AGBL1: variants seen among roughly 807,000 people sequenced by gnomAD.
AGBL1 encodes cytosolic carboxypeptidase 4.
Under a neutral mutation model 118.9 loss-of-function variants are expected in AGBL1, and 130 were observed. That is an observed-to-expected ratio of 1.09 (90% CI 0.95 to 1.26). The LOEUF (loss-of-function observed/expected upper bound fraction) is 1.26, where lower values mean the gene tolerates loss of function less well. AGBL1 is among the 50% of genes most tolerant of loss of function. AGBL1 has a pLI of 0.00. For missense variants in AGBL1, 1,584 were observed against 1,298.1 expected (o/e 1.22, Z -3.38); for synonymous variants, 555 against 478.9 (o/e 1.16, Z -2.08).
intron 22 of AGBL1, among the ~76,000 whole-genome samples, chr15:86,678,001 T>C (rs2085879910): frequency 1.3e-5 from 2 of 152,186 alleles, no homozygotes; most frequent in African/African-American, 4.8e-5. Flanking sequence ...ATTTATTGTT[T>C]TAAATTGACA....
intron 15 of AGBL1, among the ~76,000 whole-genome samples, chr15:86,272,437 G>C (rs920862738): frequency 1.3e-5 from 2 of 152,142 alleles, no homozygotes; most frequent in African/African-American, 4.8e-5. Context: ...TTAGTTCAGT[G>C]CTAGTTTCTT....
downstream of AGBL1, among the ~76,000 whole-genome samples, chr15:87,029,349 A>G (rs569381170): frequency 1.8e-3 from 267 of 152,054 alleles, 1 homozygote; most frequent in African/African-American, 6.3e-3. Context: ...CAATTTAAAC[A>G]TAGACCAAAA....
intron 22 of AGBL1, among the ~76,000 whole-genome samples, chr15:86,895,465 T>G (rs2080112190): frequency 6.6e-6 from 1 of 151,884 alleles, no homozygotes. Context: ...CTTACTAAGC[T>G]ATATACTATA....
chr15:86,116,229 C>G (rs764033471), intron 1 of AGBL1, among the ~76,000 whole-genome samples: 4 of 152,098 alleles, frequency 2.6e-5, no homozygotes, highest in Non-Finnish European at 4.4e-5. Flanking sequence ...CAATCGAGAA[C>G]AAAAATGTAA....
At chr15:86,673,517 A>C (rs1163304856) in intron 21 of AGBL1, among the ~76,000 whole-genome samples, 1 of 152,190 alleles carries the variant, frequency 6.6e-6, no homozygotes, top group Non-Finnish European at 1.5e-5. Context: ...GCCTTGGATA[A>C]GTTACTTGTA....
chr15:86,218,990 G>C (rs1179359413), intron 5 of AGBL1, among the ~76,000 whole-genome samples: 1 of 152,198 alleles, frequency 6.6e-6, no homozygotes, highest in Non-Finnish European at 1.5e-5. Context: ...ATTGCTTCAA[G>C]CTGCTACAAT....
chr15:86,649,365 G>A (rs2085333523), intron 21 of AGBL1, among the ~76,000 whole-genome samples: 7 of 152,130 alleles, frequency 4.6e-5, no homozygotes, highest in Admixed American at 4.6e-4. Flanking sequence ...GTTTTAGGGG[G>A]AAGAAAGAGG....
intron 21 of AGBL1, among the ~76,000 whole-genome samples, chr15:86,651,837 G>T (rs1017876977): frequency 6.6e-6 from 1 of 152,076 alleles, no homozygotes; most frequent in Non-Finnish European, 1.5e-5. Flanking sequence ...GTCTTCCTTG[G>T]TCCACTGCTT....
At position 86,264,634 on chromosome 15, in the gene AGBL1, C is replaced by T; in HGVS notation, c.1463C>T (p.Thr488Ile). 1 of 1,613,906 alleles carries T rather than the reference C, an allele frequency of 6.2e-7. No individual in the cohort carries two copies. Among genetic ancestry groups the T allele is most frequent in the Admixed American group, 1.7e-5 (1 of 60,012 alleles). The change falls in exon 11 of 23, where the codon ACT (threonine) becomes ATT (isoleucine). Residue 488 changes from threonine to isoleucine, a missense_variant. Thr to Ile is a moderately conservative substitution (Grantham distance 89, BLOSUM62 -1). Coordinates refer to ENST00000614907, the MANE Select transcript of AGBL1 (RefSeq NM_001386094.1). The part of the protein sequence containing the change: ...MSASFSNSTR[T>I]REVVKVIDKL... ...GCCTCCTTTTCTAATTCCACTAGGA[C>T]TAGAGAAGTTGTCAAAGTAATAGAT...
chr15:86,977,920 T>A (rs944439696), intron 23 of AGBL1, among the ~76,000 whole-genome samples: 4 of 152,148 alleles, frequency 2.6e-5, no homozygotes, highest in African/African-American at 9.6e-5. Context: ...CCCAGAAGAA[T>A]CATTCTACTC....
chr15:86,525,054 C>T (rs986200381), intron 19 of AGBL1, among the ~76,000 whole-genome samples: 2 of 152,072 alleles, frequency 1.3e-5, no homozygotes, highest in African/African-American at 4.8e-5. Flanking sequence ...TCAGTAAAGT[C>T]TCAGGCTACA....
intron 17 of AGBL1, among the ~76,000 whole-genome samples, chr15:86,335,749 G>T (rs1052870848): frequency 6.6e-6 from 1 of 152,308 alleles, no homozygotes; most frequent in East Asian, 1.9e-4. Context: ...AGAGGAGAAT[G>T]TTGAGAAAAA....
At chr15:86,474,559 G>A (rs533676332) in intron 18 of AGBL1, among the ~76,000 whole-genome samples, 1 of 152,346 alleles carries the variant, frequency 6.6e-6, no homozygotes, top group East Asian at 1.9e-4. Flanking sequence ...GGCTTGAGTA[G>A]GTAAACAAAG....
chr15:86,597,008 G>C (rs150791677), intron 21 of AGBL1, among the ~76,000 whole-genome samples: 41 of 152,226 alleles, frequency 2.7e-4, no homozygotes, highest in Non-Finnish European at 5.3e-4. Context: ...AATTCACATG[G>C]AATAAATTAG....
At chr15:86,601,995 A>G (rs1340002483) in intron 21 of AGBL1, among the ~76,000 whole-genome samples, 3 of 152,154 alleles carry the variant, frequency 2.0e-5, no homozygotes, top group Non-Finnish European at 4.4e-5. Context: ...TCCATTAAAT[A>G]TAAGCCATCA....
chr15:86,578,195 C>T (rs1017024360), intron 21 of AGBL1, among the ~76,000 whole-genome samples: 1 of 152,220 alleles, frequency 6.6e-6, no homozygotes, highest in Non-Finnish European at 1.5e-5. Context: ...AAACGCACCT[C>T]TTGCATCAGC....
chr15:86,856,572 T>C (rs1369883482), intron 22 of AGBL1, among the ~76,000 whole-genome samples: 2 of 152,248 alleles, frequency 1.3e-5, no homozygotes, highest in Non-Finnish European at 2.9e-5. Context: ...TTTCTGGAAC[T>C]TTGGTATTGA....
In AGBL1 at chr15:86,925,725, T is replaced by C. The variant is rs529242445; in HGVS notation, c.3222-62262T>C. 6.0e-5 allele frequency among the ~76,000 whole-genome samples: 9 copies of C among 149,812 alleles called. No homozygotes were observed. In the East Asian group the frequency reaches 9.7e-4, roughly 16 times the overall value. On this transcript the variant is annotated intron_variant, in intron 23 of 24. Coordinates refer to the AGBL1 transcript ENST00000441037. Reference sequence around the variant, plus strand: ...TTTCTTTTTCTTTTTCTTTTCTTTTTTTTTTTTTTTATTTTTTATTTTTGA... The same window carrying C: ...TTTCTTTTTCTTTTTCTTTTCTTTTCTTTTTTTTTTATTTTTTATTTTTGA...
chr15:86,817,815 A>G (rs1447400339), intron 22 of AGBL1, among the ~76,000 whole-genome samples: 1 of 152,186 alleles, frequency 6.6e-6, no homozygotes, highest in African/African-American at 2.4e-5. Context: ...GATGTTACTC[A>G]AGATCTTAGT....
Sources: allele counts gnomAD v4.1 joint callset (sites outside exome capture counted in the v4.1 genomes callset), GRCh38; gene constraint gnomAD v4.1.1; transcripts MANE v1.5; gene names NCBI Gene and HGNC (gene_info 2026-07-23, HGNC 2026-07-21).